The following MIGA1 variants were observed in gnomAD, a reference collection of about 807,000 sequenced individuals.
MIGA1 encodes the protein family with sequence similarity 73, member A.
MIGA1 carries 58 observed loss-of-function variants against 82.0 expected under a neutral mutation model. The observed-to-expected ratio is 0.71, with a 90% CI of 0.57 to 0.88. The LOEUF is 0.88. MIGA1 is among the 40% of genes least tolerant of loss of function. The probability of loss-of-function intolerance (pLI) is 0.00; values close to 1 mark genes in which losing one functional copy is unlikely to be tolerated. For missense variants in MIGA1, 751 were observed against 749.1 expected (o/e 1.00, Z -0.03); for synonymous variants, 249 against 253.6 (o/e 0.98, Z 0.17).
At chr1:77,810,974 G>A in intron 5 of MIGA1, 4 of 1,612,032 alleles carry the variant, frequency 2.5e-6, no homozygotes, top group Non-Finnish European at 3.4e-6. Flanking sequence ...ATTACAATTG[G>A]CCCAGGTTTA....
intron 2 of MIGA1, among the ~76,000 whole-genome samples, chr1:77,793,670 AT>A (rs1262626941): frequency 2.0e-5 from 3 of 148,208 alleles, no homozygotes; most frequent in African/African-American, 7.5e-5. Flanking sequence ...GGGTTTCACC[AT>A]GTTGCCCAGG....
intron 10 of MIGA1, chr1:77,859,617 A>G (rs1261984910): frequency 8.3e-6 from 4 of 481,026 alleles, no homozygotes; most frequent in Non-Finnish European, 1.1e-5. Flanking sequence ...TTGTCAAAAC[A>G]GGATATTTTG....
rs114177761 is a variant in MIGA1, at chr1:77,801,472, A to C, written c.337A>C (p.Ile113Leu). The stretch of plus-strand genomic sequence containing the variant: ...ATTACCATGGGAACCAGAGCACCTC[A>C]TACTTGAATACACTAAAAGAGCAGC... The change falls in exon 3 of 16, where the codon ATA becomes CTA. Residue 113 changes from isoleucine (I) to leucine (L), a missense_variant. Around this residue, in one of 3 missense-constraint regions of MIGA1, gnomAD observed 482 missense variants for 439.4 expected, o/e 1.10. Transcript: ENST00000370791. 91 of 1,604,046 alleles carry C rather than the reference A, an allele frequency of 5.7e-5. No individual in the cohort carries two copies. In the East Asian group the frequency reaches 1.9e-3, roughly 33 times the overall value.
chr1:77,782,005 GT>G (rs1389088662), intron 1 of MIGA1, among the ~76,000 whole-genome samples: 2 of 150,132 alleles, frequency 1.3e-5, no homozygotes, highest in Non-Finnish European at 3.0e-5. Flanking sequence ...TTTTTTTTTG[GT>G]GTAGGCAGGG....
intron 2 of MIGA1, among the ~76,000 whole-genome samples, chr1:77,787,822 T>C (rs1051764737): frequency 6.6e-6 from 1 of 150,626 alleles, no homozygotes; most frequent in African/African-American, 2.4e-5. Flanking sequence ...TCTTTTCTTT[T>C]TTTTTTTTTT....
chr1:77,847,796 A>C (rs1249211770), intron 8 of MIGA1: 1 of 1,600,214 alleles, frequency 6.2e-7, no homozygotes, highest in African/African-American at 1.3e-5. Flanking sequence ...CTGATGAAGT[A>C]AGTTCAAAAA....
chr1:77,809,107 AAACAACAACAACAAC>A (rs202191692), intron 5 of MIGA1, among the ~76,000 whole-genome samples: 2 of 151,582 alleles, frequency 1.3e-5, no homozygotes, highest in Middle Eastern at 6.8e-3. Context: ...CGTTTTCTTA[AAACAACAACAACAAC>A]AACAACAACA....
chr1:77,826,828 G>A (rs143348908), intron 7 of MIGA1, among the ~76,000 whole-genome samples: 9,374 of 151,384 alleles, frequency 0.062, 520 homozygotes, highest in African/African-American at 0.15. Context: ...TTTCTGAGAT[G>A]GAGTCTTGTT....
chr1:77,796,360 C>T (rs1455834717), intron 2 of MIGA1, among the ~76,000 whole-genome samples: 1 of 152,054 alleles, frequency 6.6e-6, no homozygotes, highest in Non-Finnish European at 1.5e-5. Flanking sequence ...CCTCGTGATC[C>T]ACCCGCCTTG....
chr1:77,807,116 A>G lies in MIGA1; in HGVS notation c.637+15A>G. 3.2e-6 allele frequency: 5 copies of G among 1,552,940 alleles called. No individual in the cohort carries two copies. The highest frequency in any genetic ancestry group is 4.4e-6 in the Non-Finnish European group (5 of 1,140,264). Reference sequence around the variant, plus strand: ...ATACTTAATGGGTAGGAATGAGATGATAACATTTTAAGATACTGTGCTCAC... The same window carrying G: ...ATACTTAATGGGTAGGAATGAGATGGTAACATTTTAAGATACTGTGCTCAC... On this transcript the variant is annotated intron_variant, in intron 5 of 15. Coordinates refer to ENST00000370791, the MANE Select transcript of MIGA1 (RefSeq NM_198549.4).
Position 77,779,696 on chromosome 1 carries a change from C to T in MIGA1, c.41C>T (p.Ala14Val). 1 of 1,580,098 alleles carries T rather than the reference C, an allele frequency of 6.3e-7. No homozygotes were observed. Among genetic ancestry groups the T allele is most frequent in the Non-Finnish European group, 8.6e-7 (1 of 1,162,704 alleles). Residue 14 changes from alanine (A) to valine (V), a missense_variant, in exon 1 of 16, where the codon GCT (alanine) becomes GTT (valine). Physicochemically the swap from Ala to Val is moderately conservative, Grantham distance 64. Around this residue, in one of 3 missense-constraint regions of MIGA1, gnomAD observed 482 missense variants for 439.4 expected, o/e 1.10. Transcript: ENST00000370791. ...TCAGCGCCAGGCATCAGCTGGGAAGCTGGCGTGGGCAGGCCAGCTGTACCT... is the reference window on the plus strand; with the variant it reads ...TCAGCGCCAGGCATCAGCTGGGAAGTTGGCGTGGGCAGGCCAGCTGTACCT...
intron 8 of MIGA1, among the ~76,000 whole-genome samples, chr1:77,849,085 T>C (rs530067835): frequency 6.6e-6 from 1 of 152,258 alleles, no homozygotes; most frequent in African/African-American, 2.4e-5. Context: ...ATGAGGAAAA[T>C]TGGCTCCACT....
At chr1:77,865,068 T>G (rs1431038268) in intron 13 of MIGA1, among the ~76,000 whole-genome samples, 2 of 152,200 alleles carry the variant, frequency 1.3e-5, no homozygotes, top group East Asian at 3.8e-4. Flanking sequence ...TCTCCATTTC[T>G]GTAACTGATT....
At chr1:77,871,481 G>A (rs956421626) in intron 14 of MIGA1, among the ~76,000 whole-genome samples, 10 of 151,798 alleles carry the variant, frequency 6.6e-5, no homozygotes, top group Non-Finnish European at 1.2e-4. Context: ...CAGCCTGGGC[G>A]ACAGAGTGAG....
At chr1:77,845,921 A>G (rs2101897487) in intron 8 of MIGA1, among the ~76,000 whole-genome samples, 1 of 150,068 alleles carries the variant, frequency 6.7e-6, no homozygotes, top group Middle Eastern at 3.5e-3. Flanking sequence ...TTTGCCAAAC[A>G]TTGGTTTGGA....
chr1:77,803,446 T>C (rs1302704661), intron 4 of MIGA1, 40 bp downstream of exon 4: 1 of 1,042,758 alleles, frequency 9.6e-7, no homozygotes, highest in East Asian at 3.0e-5. Context: ...AATTTTTGTT[T>C]ATATGTCTTC....
At chr1:77,814,016 A>G in intron 6 of MIGA1, 149 bp downstream of exon 6, 1 of 751,770 alleles carries the variant, frequency 1.3e-6, no homozygotes, top group Non-Finnish European at 2.1e-6. Flanking sequence ...TTGTCCTCTG[A>G]GTAATTAGGA....
At chr1:77,796,531 T>C (rs1682664769) in intron 2 of MIGA1, among the ~76,000 whole-genome samples, 2 of 152,050 alleles carry the variant, frequency 1.3e-5, no homozygotes, top group African/African-American at 4.8e-5. Context: ...CAACTTATTC[T>C]CCTGCCTCAG....
intron 7 of MIGA1, among the ~76,000 whole-genome samples, chr1:77,823,755 G>A (rs897793813): frequency 2.6e-5 from 4 of 152,024 alleles, no homozygotes; most frequent in East Asian, 1.9e-4. Flanking sequence ...TTGTAGAGAC[G>A]GGGTCTCACT....
Sources: gnomAD v4.1 joint callset for allele counts (sites outside exome capture counted in the v4.1 genomes callset) on GRCh38, gnomAD v4.1.1 for gene constraint, gnomAD v4.1.1 regional missense constraint, MANE v1.5 for transcripts, NCBI Gene and HGNC (gene_info 2026-07-23, HGNC 2026-07-21) for gene names.